THADA: variants seen among roughly 807,000 people sequenced by gnomAD.
The protein encoded by THADA is tRNA (32-2'-O)-methyltransferase regulator THADA.
A neutral mutation model predicts 219.8 loss-of-function variants in THADA; 213 were observed. The ratio of observed to expected loss-of-function variants is 0.97; its 90% CI spans 0.87 to 1.09. THADA has a LOEUF of 1.09. Ranked by LOEUF, THADA falls within the 50% of genes least tolerant of loss-of-function variation. The pLI, the probability that THADA is intolerant of heterozygous loss-of-function variation, is 0.00. For synonymous variants in THADA, 1,018 were observed against 828.9 expected, an observed-to-expected ratio of 1.23 and a Z score of -3.92; for missense variants, 2,956 against 2,311.3, an observed-to-expected ratio of 1.28 and a Z score of -5.72.
At chr2:43,353,808 A>G (rs373673139) in intron 29 of THADA, among the ~76,000 whole-genome samples, 1 of 148,442 alleles carries the variant, frequency 6.7e-6, no homozygotes. Flanking sequence ...GGCATGGGCC[A>G]CCAAGCTCAG....
At chr2:43,568,662 A>T (rs1399290820) in intron 14 of THADA, among the ~76,000 whole-genome samples, 1 of 152,210 alleles carries the variant, frequency 6.6e-6, no homozygotes, top group Admixed American at 6.5e-5. Flanking sequence ...GCAAAAAGAA[A>T]GCAAACGAGA....
intron 36 of THADA, among the ~76,000 whole-genome samples, chr2:43,237,770 T>G (rs942704700): frequency 1.3e-5 from 2 of 152,050 alleles, no homozygotes; most frequent in Non-Finnish European, 2.9e-5. Context: ...GACCTTGAAT[T>G]AGGCAACTAC....
intron 29 of THADA, among the ~76,000 whole-genome samples, chr2:43,347,821 G>A (rs1226503976): frequency 6.6e-6 from 1 of 152,184 alleles, no homozygotes; most frequent in Non-Finnish European, 1.5e-5. Context: ...CAGGGTGGTG[G>A]CAGACACAGC....
At chr2:43,244,832 C>T (rs1394795308) in intron 36 of THADA, among the ~76,000 whole-genome samples, 2 of 152,226 alleles carry the variant, frequency 1.3e-5, no homozygotes, top group African/African-American at 4.8e-5. Flanking sequence ...CAACTCTGAC[C>T]AGGTGGTAAG....
chr2:43,483,748 T>C (rs1345653915), intron 26 of THADA, among the ~76,000 whole-genome samples: 6 of 151,630 alleles, frequency 4.0e-5, no homozygotes, highest in South Asian at 2.1e-4. Flanking sequence ...CTCCTATACA[T>C]AGTAAAATGT....
chr2:43,244,030 T>C (rs1420478293), intron 36 of THADA, among the ~76,000 whole-genome samples: 1 of 152,212 alleles, frequency 6.6e-6, no homozygotes, highest in Non-Finnish European at 1.5e-5. Context: ...TTTATTATTA[T>C]TTTTAATCAA....
chr2:43,508,115 G>A (rs927984256), intron 23 of THADA, among the ~76,000 whole-genome samples: 1 of 152,044 alleles, frequency 6.6e-6, no homozygotes, highest in African/African-American at 2.4e-5. Flanking sequence ...TCTTCATCTA[G>A]AATATATGGA....
intron 22 of THADA, among the ~76,000 whole-genome samples, chr2:43,514,867 T>A (rs1691124364): frequency 1.2e-5 from 1 of 83,828 alleles, no homozygotes; most frequent in African/African-American, 5.2e-5. Flanking sequence ...CAATATATAT[T>A]TTATGTATAA....
chr2:43,339,735 C>G (rs1050467216), intron 30 of THADA, among the ~76,000 whole-genome samples: 2 of 152,060 alleles, frequency 1.3e-5, no homozygotes, highest in African/African-American at 2.4e-5. Flanking sequence ...TAATATAATA[C>G]TAATTACAAC....
intron 30 of THADA, among the ~76,000 whole-genome samples, chr2:43,325,451 G>T (rs1191686859): frequency 2.6e-5 from 4 of 152,108 alleles, no homozygotes; most frequent in African/African-American, 9.7e-5. Flanking sequence ...AAGGAACTTA[G>T]AGTCCTGAAT....
chr2:43,348,346 G>A (rs541484809), intron 29 of THADA, among the ~76,000 whole-genome samples: 9 of 152,270 alleles, frequency 5.9e-5, no homozygotes, highest in African/African-American at 1.9e-4. Flanking sequence ...TCACTAAGAC[G>A]GAGGGTCAAT....
In THADA at chr2:43,498,871, T is replaced by C; in HGVS notation, c.3706A>G (p.Lys1236Glu). ...GATGTAAAACCCAGAATTGCAGCCT[T>C]AGCTCCATCAGCAACATAAGGAATA... ...NIIPYVADGAKAAILGFTSPV... is the reference protein window; with the variant it reads ...NIIPYVADGAEAAILGFTSPV... The change falls in exon 25 of 38, where the codon AAG becomes GAG. Residue 1236 changes from lysine (K) to glutamate (E), a missense_variant. Lys to Glu is a moderately conservative substitution (Grantham distance 56, BLOSUM62 1). Coordinates refer to ENST00000405975, the MANE Select transcript of THADA (RefSeq NM_022065.5). 1.9e-6 allele frequency: 3 copies of C among 1,612,718 alleles called. No individual in the cohort carries two copies. The highest frequency in any genetic ancestry group is 2.5e-6 in the Non-Finnish European group (3 of 1,179,426).
At chr2:43,462,004 T>C (rs1683697885) in intron 26 of THADA, among the ~76,000 whole-genome samples, 1 of 152,212 alleles carries the variant, frequency 6.6e-6, no homozygotes, top group Admixed American at 6.5e-5. Context: ...CAAGCTTTAA[T>C]CTACCTTAAC....
intron 31 of THADA, among the ~76,000 whole-genome samples, chr2:43,303,799 T>C (rs1676530112): frequency 6.6e-6 from 1 of 152,094 alleles, no homozygotes; most frequent in African/African-American, 2.4e-5. Flanking sequence ...CAGTGGTCAA[T>C]GTCCCATGTA....
At chr2:43,557,651 G>A (rs1558968305) in intron 16 of THADA, among the ~76,000 whole-genome samples, 2 of 152,354 alleles carry the variant, frequency 1.3e-5, no homozygotes, top group South Asian at 4.1e-4. Flanking sequence ...GCACTGGGCT[G>A]ACAACAGAAG....
rs1236975924 is a variant in THADA, at chr2:43,556,392, T to C, written c.2627A>G (p.Asp876Gly). 4 of 1,613,900 alleles carry C rather than the reference T, an allele frequency of 2.5e-6. No homozygotes were observed. Among genetic ancestry groups the C allele is most frequent in the Non-Finnish European group, 3.4e-6 (4 of 1,179,840 alleles). Residue 876 changes from aspartate (D) to glycine (G), a missense_variant, in exon 17 of 38, where the codon GAT becomes GGT. Physicochemically the swap from Asp to Gly is moderately conservative, Grantham distance 94. Coordinates refer to ENST00000405975, the MANE Select transcript of THADA (RefSeq NM_022065.5). ...CACAGCAGCAGGCCTATCTCCATTATCACATGCAACTTGCTGAGTTAAGTA... is the reference window on the plus strand; with the variant it reads ...CACAGCAGCAGGCCTATCTCCATTACCACATGCAACTTGCTGAGTTAAGTA... ...SAYLTQQVAC[D>G]NGDRPAAVVE... is the part of the protein sequence containing the mutation.
intron 20 of THADA, among the ~76,000 whole-genome samples, chr2:43,543,774 C>T (rs1695638241): frequency 6.6e-6 from 1 of 152,032 alleles, no homozygotes; most frequent in Admixed American, 6.6e-5. Context: ...CATATTAGCC[C>T]TTTGTCAGAT....
chr2:43,347,619 T>C (rs1468098405), intron 29 of THADA, among the ~76,000 whole-genome samples: 1 of 152,182 alleles, frequency 6.6e-6, no homozygotes, highest in Non-Finnish European at 1.5e-5. Flanking sequence ...AAATACAAGA[T>C]ATTCATAGTA....
intron 19 of THADA, among the ~76,000 whole-genome samples, chr2:43,550,960 A>G (rs1272175252): frequency 1.3e-5 from 2 of 152,232 alleles, no homozygotes; most frequent in African/African-American, 4.8e-5. Flanking sequence ...ACCAAAAAAA[A>G]ATTAATTAAA....
Sources: allele counts gnomAD v4.1 joint callset (sites outside exome capture counted in the v4.1 genomes callset), GRCh38; gene constraint gnomAD v4.1.1; transcripts MANE v1.5; gene names NCBI Gene and HGNC (gene_info 2026-07-23, HGNC 2026-07-21).